Variants in ADGRV1 observed in about 807,000 individuals in gnomAD.
ADGRV1 encodes G-protein coupled receptor 98.
ADGRV1 carries 359 observed loss-of-function variants against 596.2 expected under a neutral mutation model. The observed-to-expected ratio is 0.60, with a 90% confidence interval of 0.55 to 0.66. The LOEUF (loss-of-function observed/expected upper bound fraction) is 0.66. Among genes scored for constraint, ADGRV1 ranks in the 30% least tolerant of loss-of-function variants. ADGRV1 has a pLI of 0.00. For missense variants in ADGRV1, 7,274 were observed against 7,575.6 expected, an observed-to-expected ratio of 0.96 and a Z score of 1.48; for synonymous variants, 2,681 against 2,679.2, an observed-to-expected ratio of 1.00 and a Z score of -0.02.
At chr5:91,102,418 G>A in intron 87 of ADGRV1, 78 bp downstream of exon 87, 1 of 1,305,570 alleles carries the variant, frequency 7.7e-7, no homozygotes, top group Non-Finnish European at 1.0e-6. Context: ...ATATTAAAGA[G>A]TCAAGCATCC....
At chr5:91,019,874 T>C (rs1221491581) in intron 85 of ADGRV1, among the ~76,000 whole-genome samples, 1 of 152,038 alleles carries the variant, frequency 6.6e-6, no homozygotes, top group Non-Finnish European at 1.5e-5. Flanking sequence ...ACATTTTTCA[T>C]ACATTTGTTT....
intron 87 of ADGRV1, among the ~76,000 whole-genome samples, chr5:91,123,984 G>C (rs932756409): frequency 3.9e-5 from 6 of 152,148 alleles, no homozygotes; most frequent in Admixed American, 2.0e-4. Context: ...GGAGAGCGAA[G>C]GGCAGGCCAG....
Position 90,745,252 on chromosome 5 carries a change from G to A in ADGRV1, c.10756G>A (p.Asp3586Asn), listed in dbSNP as rs1754480457. ...YELAYISSHS[D>N]FIPSSGELIF... ...GCTAGCCTACATTTCCAGCCATTCT[G>A]ACTTTATTCCTAGGTAGGTTCAACA... The change falls in exon 51 of 90, where the codon GAC becomes AAC. Residue 3586 changes from aspartate (D) to asparagine (N), a missense_variant. By Grantham distance (23) the Asp-to-Asn change is conservative (BLOSUM62 1). This residue lies in a region of ADGRV1 where 3,643 missense variants were observed against 3,809.2 expected (regional missense o/e 0.96). Coordinates refer to ENST00000405460, the MANE Select transcript of ADGRV1 (RefSeq NM_032119.4). 22 of 1,590,412 alleles carry A rather than the reference G, an allele frequency of 1.4e-5. No homozygotes were observed. Among genetic ancestry groups the A allele is most frequent in the Non-Finnish European group, 1.8e-5 (21 of 1,171,112 alleles).
At chr5:90,756,676 C>T in intron 56 of ADGRV1, 46 bp downstream of exon 56, 3 of 1,492,702 alleles carry the variant, frequency 2.0e-6, no homozygotes, top group South Asian at 2.4e-5. Flanking sequence ...AGGCCTCTCC[C>T]TGCTGATTTG....
At chr5:90,647,332 AATAATC>A (rs1274044844) in intron 16 of ADGRV1, among the ~76,000 whole-genome samples, 160 bp from the exon 17 acceptor site, 23 of 152,334 alleles carry the variant, frequency 1.5e-4, no homozygotes, top group African/African-American at 5.5e-4. Context: ...TGACTGTTGA[AATAATC>A]AGAGGGTAGT....
At position 90,683,872 on chromosome 5, in the gene ADGRV1, A is replaced by T. The variant is rs1745261841; in HGVS notation, c.5951A>T (p.Lys1984Ile). 1 of 1,613,562 alleles carries T rather than the reference A, an allele frequency of 6.2e-7. No homozygotes were observed. The highest frequency in any genetic ancestry group is 8.5e-7 in the Non-Finnish European group (1 of 1,179,700). The change falls in exon 28 of 90, where the codon AAA (lysine) becomes ATA (isoleucine). Residue 1984 changes from lysine to isoleucine, a missense_variant. By Grantham distance (102) the Lys-to-Ile change is moderately radical. Transcript: ENST00000405460. The stretch of plus-strand genomic sequence containing the variant: ...TATGGGATATTCATTTTTTCTGAGA[A>T]AAACAGACCTGTTAAAGTTGAGGAA... ...DPYGIFIFSEKNRPVKVEEAT... is the reference protein window; with the variant it reads ...DPYGIFIFSEINRPVKVEEAT...
chr5:90,762,094 A>G (rs1756572340), intron 58 of ADGRV1, among the ~76,000 whole-genome samples: 1 of 152,196 alleles, frequency 6.6e-6, no homozygotes, highest in Non-Finnish European at 1.5e-5. Flanking sequence ...AAGTATACCA[A>G]AGCCCTGAGA....
chr5:90,929,454 C>T (rs565953523), intron 83 of ADGRV1: 1 of 152,676 alleles, frequency 6.5e-6, no homozygotes, highest in East Asian at 1.9e-4. Context: ...ACCCCTTGCG[C>T]TTCCCAAGTG....
intron 11 of ADGRV1, chr5:90,640,862 A>G (rs186178658): frequency 1.4e-3 from 218 of 152,620 alleles, no homozygotes; most frequent in African/African-American, 5.0e-3. Context: ...TTTGTCGTGT[A>G]TTTTGGGTAA....
In ADGRV1 at chr5:90,636,673, C is replaced by G. The variant is rs146029817; in HGVS notation, c.2017-1052C>G. 2.3e-3 allele frequency among the ~76,000 whole-genome samples: 356 copies of G among 152,276 alleles called. 5 individuals carry two copies. The highest frequency in any genetic ancestry group is 8.3e-3 in the African/African-American group (346 of 41,560). On this transcript the variant is annotated intron_variant, in intron 10 of 89. Coordinates refer to ENST00000405460, the MANE Select transcript of ADGRV1 (RefSeq NM_032119.4). ...TGTTCCAGATACAGCCTGGATGATG[C>G]CCACTCCCTCAAGGTGATTCAGGGC...
intron 87 of ADGRV1, among the ~76,000 whole-genome samples, chr5:91,147,986 A>AC (rs1331742280): frequency 6.6e-6 from 1 of 152,102 alleles, no homozygotes; most frequent in Non-Finnish European, 1.5e-5. Context: ...AGTAAAGGTG[A>AC]CCCTTGCTAT....
chr5:90,592,800 C>T (rs1759694910), intron 1 of ADGRV1, among the ~76,000 whole-genome samples: 3 of 152,162 alleles, frequency 2.0e-5, no homozygotes, highest in Non-Finnish European at 4.4e-5. Context: ...TATGAACAGG[C>T]ACTCCTCAAA....
intron 78 of ADGRV1, among the ~76,000 whole-genome samples, chr5:90,841,850 A>C (rs1232866978): frequency 6.6e-6 from 1 of 152,206 alleles, no homozygotes; most frequent in African/African-American, 2.4e-5. Context: ...ATCTCTTAAA[A>C]TACAATGCTT....
chr5:90,733,490 A>G (rs1752815354), intron 50 of ADGRV1, among the ~76,000 whole-genome samples: 1 of 152,154 alleles, frequency 6.6e-6, no homozygotes, highest in African/African-American at 2.4e-5. Flanking sequence ...TGCGAAGACT[A>G]GAAGATTTAG....
intron 50 of ADGRV1, among the ~76,000 whole-genome samples, chr5:90,738,824 T>C (rs1312685988): frequency 1.3e-5 from 2 of 152,148 alleles, no homozygotes; most frequent in East Asian, 1.9e-4. Flanking sequence ...AATTTCTAGA[T>C]AGTGTTGTCT....
chr5:90,706,258 T>G lies in ADGRV1; in HGVS notation c.8594T>G (p.Val2865Gly). ...LGAINVTYTT[V>G]PGMLSLKNQT... ...GCTATCAATGTCACATATACCACGG[T>G]TCCTGGAATGCTGAGTCTGAAGAAC... Residue 2865 changes from valine (V) to glycine (G), a missense_variant, in exon 38 of 90, where the codon GTT becomes GGT. Physicochemically the swap from Val to Gly is moderately radical, Grantham distance 109. Coordinates refer to ENST00000405460, the MANE Select transcript of ADGRV1 (RefSeq NM_032119.4). 8 of 1,612,914 alleles carry G rather than the reference T, an allele frequency of 5.0e-6. No homozygotes were observed. Among genetic ancestry groups the G allele is most frequent in the Non-Finnish European group, 6.8e-6 (8 of 1,179,490 alleles).
chr5:90,624,786 G>A (rs1206736644), intron 5 of ADGRV1, among the ~76,000 whole-genome samples: 1 of 152,030 alleles, frequency 6.6e-6, no homozygotes, highest in Non-Finnish European at 1.5e-5. Flanking sequence ...CATCCAGCTT[G>A]TGAAGTGGAA....
At chr5:90,923,186 T>C (rs946119327) in intron 83 of ADGRV1, among the ~76,000 whole-genome samples, 1 of 152,180 alleles carries the variant, frequency 6.6e-6, no homozygotes, top group African/African-American at 2.4e-5. Flanking sequence ...ATAGGATTTA[T>C]TGCAGTTTAT....
intron 85 of ADGRV1, among the ~76,000 whole-genome samples, chr5:91,058,837 A>G (rs1473397919): frequency 6.6e-6 from 1 of 152,160 alleles, no homozygotes; most frequent in African/African-American, 2.4e-5. Flanking sequence ...TCATAATTGC[A>G]TGACTGAGTC....
Sources: allele counts gnomAD v4.1 joint callset (sites outside exome capture counted in the v4.1 genomes callset), GRCh38; gene constraint gnomAD v4.1.1; regional missense constraint gnomAD v4.1.1; transcripts MANE v1.5; gene names NCBI Gene and HGNC (gene_info 2026-07-23, HGNC 2026-07-21).